The following VEPH1 variants were observed in gnomAD, a reference collection of about 807,000 sequenced individuals.
The protein encoded by VEPH1 is ventricular zone expressed PH domain containing 1, also known as ventricular zone-expressed PH domain-containing protein homolog 1.
VEPH1 carries 80 observed loss-of-function variants against 85.2 expected under a neutral mutation model. The ratio of observed to expected loss-of-function variants is 0.94; its 90% CI spans 0.78 to 1.13. VEPH1 has a LOEUF of 1.13. VEPH1 is among the 50% of genes most tolerant of loss of function. The probability of loss-of-function intolerance (pLI) is 0.00; values close to 1 mark genes in which losing one functional copy is unlikely to be tolerated. For synonymous variants in VEPH1, 297 were observed against 348.0 expected, an observed-to-expected ratio of 0.85 and a Z score of 1.63; for missense variants, 955 against 980.5, an observed-to-expected ratio of 0.97 and a Z score of 0.35.
At chr3:157,313,562 CTG>C (rs1720378760) in intron 11 of VEPH1, 57 bp downstream of exon 11, 1 of 1,549,600 alleles carries the variant, frequency 6.5e-7, no homozygotes, top group Admixed American at 2.0e-5. Context: ...AAAAGGGAAA[CTG>C]TTTCAAGACA....
rs1010037881 is a variant in VEPH1, at chr3:157,271,125, G to A, written c.2129-5463C>T. On this transcript the variant is annotated intron_variant, in intron 12 of 13. Coordinates refer to ENST00000362010, the MANE Select transcript of VEPH1 (RefSeq NM_001167912.2). ...TCTCGAACACCCCTCATGGGCTGAGGGGTGAAGGGAGAAGTCAATTCAAGG... is the reference window on the plus strand; with the variant it reads ...TCTCGAACACCCCTCATGGGCTGAGAGGTGAAGGGAGAAGTCAATTCAAGG... Among the ~76,000 whole-genome samples the A allele has an allele frequency of 2.0e-5, 3 of 152,172 alleles. No individual in the cohort carries two copies. In the South Asian group the frequency reaches 6.2e-4, roughly 31 times the overall value.
intron 9 of VEPH1, among the ~76,000 whole-genome samples, chr3:157,354,425 T>C (rs1388047547): frequency 6.6e-6 from 1 of 152,076 alleles, no homozygotes; most frequent in African/African-American, 2.4e-5. Flanking sequence ...GAAATATATC[T>C]GGAGTGAACA....
At chr3:157,433,089 G>A (rs939048119) in intron 4 of VEPH1, among the ~76,000 whole-genome samples, 1 of 152,106 alleles carries the variant, frequency 6.6e-6, no homozygotes, top group Non-Finnish European at 1.5e-5. Flanking sequence ...TCCAACAAAA[G>A]TTGCTCAGTT....
chr3:157,356,705 T>C (rs937335323), intron 9 of VEPH1, among the ~76,000 whole-genome samples: 7 of 152,214 alleles, frequency 4.6e-5, no homozygotes. Flanking sequence ...ACTCTGTTTT[T>C]AAATGAGATT....
In VEPH1 at chr3:157,495,338, C is replaced by T; in HGVS notation, c.12G>A (p.Leu4=). MHQ[L]FRLVLGQKDL... is the part of the protein sequence containing the mutation. ...CTTTTTGTCCCAAAACCAGTCTGAA[C>T]AGTTGATGCATGGTGAGGATGAGTT... The change falls in exon 2 of 14, where the codon CTG becomes CTA. Residue 4 remains leucine, a synonymous_variant. Transcript: ENST00000362010. 1.9e-6 allele frequency: 3 copies of T among 1,613,922 alleles called. No individual in the cohort carries two copies. The highest frequency in any genetic ancestry group is 2.5e-6 in the Non-Finnish European group (3 of 1,179,852).
At chr3:157,378,274 TTATGGGTC>T (rs1409500812) in intron 7 of VEPH1, among the ~76,000 whole-genome samples, 1 of 143,600 alleles carries the variant, frequency 7.0e-6, no homozygotes, top group Non-Finnish European at 1.5e-5. Flanking sequence ...GCCAGTTAAC[TTATGGGTC>T]TATGAAAATG....
chr3:157,347,071 T>G (rs1416583178), intron 9 of VEPH1, among the ~76,000 whole-genome samples: 1 of 152,210 alleles, frequency 6.6e-6, no homozygotes, highest in Non-Finnish European at 1.5e-5. Context: ...AATGTACATT[T>G]GATACTTGAA....
intron 5 of VEPH1, among the ~76,000 whole-genome samples, chr3:157,417,068 G>GT (rs562847287): frequency 0.041 from 5,951 of 145,804 alleles, 385 homozygotes; most frequent in African/African-American, 0.14. Flanking sequence ...AACAAAAGTT[G>GT]TTTTTTTTTT....
chr3:157,397,513 T>C (rs937899528), intron 6 of VEPH1, among the ~76,000 whole-genome samples: 1 of 152,112 alleles, frequency 6.6e-6, no homozygotes, highest in Non-Finnish European at 1.5e-5. Flanking sequence ...CTATAGGCAG[T>C]ATGGCCATTT....
intron 9 of VEPH1, among the ~76,000 whole-genome samples, chr3:157,332,329 A>C (rs1007128628): frequency 6.6e-6 from 1 of 152,214 alleles, no homozygotes; most frequent in Non-Finnish European, 1.5e-5. Flanking sequence ...TATCACCACT[A>C]TCTAGTTCTA....
chr3:157,374,751 T>C (rs1297850493), intron 7 of VEPH1, among the ~76,000 whole-genome samples: 2 of 152,202 alleles, frequency 1.3e-5, no homozygotes, highest in African/African-American at 4.8e-5. Context: ...GTCTTGGTTC[T>C]GAATGCCAGC....
At position 157,428,429 on chromosome 3, in the gene VEPH1, T is replaced by G; in HGVS notation, c.589A>C (p.Asn197His). 1 of 1,614,164 alleles carries G rather than the reference T, an allele frequency of 6.2e-7. No homozygotes were observed. The highest frequency in any genetic ancestry group is 8.5e-7 in the Non-Finnish European group (1 of 1,180,008). ...GCCAGGAGTTCTGTCAGGTGTCTATTAATTGGCTGAGGCTGCTTTTCATAC... is the reference window on the plus strand; with the variant it reads ...GCCAGGAGTTCTGTCAGGTGTCTATGAATTGGCTGAGGCTGCTTTTCATAC... ...AVYEKQPQPINRHLTELLALM... is the reference protein window; with the variant it reads ...AVYEKQPQPIHRHLTELLALM... The change falls in exon 5 of 14, where the codon AAT (asparagine) becomes CAT (histidine). Residue 197 changes from asparagine (N) to histidine (H), a missense_variant. Physicochemically the swap from Asn to His is moderately conservative, Grantham distance 68. Transcript: ENST00000362010.
intron 7 of VEPH1, among the ~76,000 whole-genome samples, chr3:157,371,266 T>A (rs890603451): frequency 6.6e-6 from 1 of 152,342 alleles, no homozygotes; most frequent in East Asian, 1.9e-4. Context: ...CAATTAAAAA[T>A]AAATCCCTGT....
intron 11 of VEPH1, among the ~76,000 whole-genome samples, chr3:157,304,044 C>CACACAT (rs1719196700): frequency 1.9e-5 from 1 of 53,150 alleles, no homozygotes; most frequent in Admixed American, 3.2e-4. Flanking sequence ...TATATACACA[C>CACACAT]ATACTGTTAC....
At chr3:157,482,873 T>C (rs1323178267) in intron 2 of VEPH1, among the ~76,000 whole-genome samples, 3 of 152,176 alleles carry the variant, frequency 2.0e-5, no homozygotes, top group African/African-American at 7.2e-5. Flanking sequence ...CGTTTATCAG[T>C]TCTAGGACCC....
chr3:157,384,177 G>A (rs1329879676), intron 6 of VEPH1, among the ~76,000 whole-genome samples: 1 of 152,204 alleles, frequency 6.6e-6, no homozygotes, highest in Non-Finnish European at 1.5e-5. Flanking sequence ...GGAAAATGAA[G>A]CAGAAGGGGG....
chr3:157,392,185 A>G (rs779431573), intron 6 of VEPH1, among the ~76,000 whole-genome samples: 1 of 152,234 alleles, frequency 6.6e-6, no homozygotes, highest in Non-Finnish European at 1.5e-5. Flanking sequence ...CAAAGCAACC[A>G]GCTAACAACT....
At chr3:157,310,431 A>G (rs925662851) in intron 11 of VEPH1, among the ~76,000 whole-genome samples, 2 of 152,182 alleles carry the variant, frequency 1.3e-5, no homozygotes, top group Non-Finnish European at 2.9e-5. Context: ...CTGTACAAGT[A>G]AAGAAACTGG....
chr3:157,479,164 G>GT (rs1333151972), intron 2 of VEPH1, among the ~76,000 whole-genome samples: 1 of 152,088 alleles, frequency 6.6e-6, no homozygotes, highest in African/African-American at 2.4e-5. Context: ...ATACATATGT[G>GT]TATGTGTTTA....
Sources: gnomAD v4.1 joint callset for allele counts (sites outside exome capture counted in the v4.1 genomes callset) on GRCh38, gnomAD v4.1.1 for gene constraint, MANE v1.5 for transcripts, NCBI Gene and HGNC (gene_info 2026-07-23, HGNC 2026-07-21) for gene names.